The following NPAS3 variants were observed in gnomAD, a reference collection of about 807,000 sequenced individuals.
NPAS3 encodes neuronal PAS domain protein 3, also known as neuronal PAS domain-containing protein 3.
A neutral mutation model predicts 73.1 loss-of-function variants in NPAS3; 14 were observed. That is an observed-to-expected ratio of 0.19 (90% CI 0.13 to 0.30). The LOEUF (loss-of-function observed/expected upper bound fraction) is 0.30, where lower values mean the gene tolerates loss of function less well. Ranked by LOEUF, NPAS3 falls within the 10% of genes least tolerant of loss-of-function variation. NPAS3 has a pLI of 1.00. For missense variants in NPAS3, 1,096 were observed against 1,250.0 expected (o/e 0.88, Z 1.86); for synonymous variants, 620 against 541.5 (o/e 1.14, Z -2.01).
chr14:33,157,604 A>G lies in NPAS3; in HGVS notation c.141-57578A>G, dbSNP rs28658345. Reference sequence around the variant, plus strand: ...TCTTTTTGTGGTCAAGAAAGAGAAAAAAAATTAGAGCTTGTAAAAACCTGT... The same window carrying G: ...TCTTTTTGTGGTCAAGAAAGAGAAAGAAAATTAGAGCTTGTAAAAACCTGT... On this transcript the variant is annotated intron_variant, in intron 2 of 11. Transcript: ENST00000356141. Among the ~76,000 whole-genome samples the G allele has an allele frequency of 9.7e-3, 1,481 of 152,338 alleles. 18 individuals carry two copies. The highest frequency in any genetic ancestry group is 0.032 in the African/African-American group (1,333 of 41,564).
intron 1 of NPAS3, among the ~76,000 whole-genome samples, chr14:32,951,355 T>C (rs1454040498): frequency 1.3e-5 from 2 of 152,118 alleles, no homozygotes; most frequent in African/African-American, 2.4e-5. Flanking sequence ...TATAAAATGA[T>C]TAAATAAATT....
chr14:33,577,322 ATTC>A (rs149987976), intron 5 of NPAS3, among the ~76,000 whole-genome samples: 2,689 of 152,194 alleles, frequency 0.018, 35 homozygotes, highest in Non-Finnish European at 0.028. Flanking sequence ...ATCTAAACCA[ATTC>A]TTCTCAGATC....
chr14:33,490,731 T>C (rs1471073051), intron 4 of NPAS3, among the ~76,000 whole-genome samples: 2 of 152,184 alleles, frequency 1.3e-5, no homozygotes, highest in Non-Finnish European at 2.9e-5. Context: ...CCCTGCACTG[T>C]GCTGGAACAA....
intron 1 of NPAS3, among the ~76,000 whole-genome samples, chr14:32,993,908 A>G (rs1036581865): frequency 2.0e-5 from 3 of 152,208 alleles, no homozygotes; most frequent in African/African-American, 4.8e-5. Flanking sequence ...TCTTTTTGGC[A>G]CTCTCACATG....
chr14:33,329,825 T>TGAGA lies in NPAS3; in HGVS notation c.386-37348_386-37345dup, dbSNP rs535233541. Among the ~76,000 whole-genome samples, 166 of 151,038 alleles carry TGAGA rather than the reference T, an allele frequency of 1.1e-3. 3 individuals are homozygous for TGAGA. The South Asian group carries it at 0.033, about 30-fold the overall frequency. On this transcript the variant is annotated intron_variant, in intron 3 of 11. Coordinates refer to ENST00000356141, the Ensembl canonical transcript of NPAS3. ...ATTAAAAGTGGAGTGTGTGTGTGTGTGAGAGAGAGAGAGAGAAGTGCTTAA... is the reference window on the plus strand; with the variant it reads ...ATTAAAAGTGGAGTGTGTGTGTGTGTGAGAGAGAGAGAGAGAGAGAAGTGCTTAA...
intron 5 of NPAS3, among the ~76,000 whole-genome samples, chr14:33,604,346 A>G (rs896449046): frequency 2.0e-5 from 3 of 152,132 alleles, no homozygotes; most frequent in Non-Finnish European, 1.5e-5. Flanking sequence ...GTTAGCACTA[A>G]TAGAAAGAGT....
intron 2 of NPAS3, among the ~76,000 whole-genome samples, chr14:33,166,623 A>G (rs1169883264): frequency 6.6e-6 from 1 of 152,206 alleles, no homozygotes; most frequent in Non-Finnish European, 1.5e-5. Context: ...TTTATCTGAA[A>G]GAGTAAAGAA....
At chr14:33,531,839 G>A (rs924315428) in intron 4 of NPAS3, among the ~76,000 whole-genome samples, 6 of 152,084 alleles carry the variant, frequency 3.9e-5, no homozygotes, top group Non-Finnish European at 7.4e-5. Flanking sequence ...AGGATTGTCA[G>A]CCTTCTGTTT....
rs114515596 is a variant in NPAS3 at position 33,087,879 on chromosome 14, G to A, written c.140+31885G>A. On this transcript the variant is annotated intron_variant, in intron 2 of 11. Transcript: ENST00000356141. ...GTACTCACAAACCAAAATAAGAAAT[G>A]TGTTTATATTCATAATTGTTTTCAT... Among the ~76,000 whole-genome samples, 513 of 152,236 alleles carry A rather than the reference G, an allele frequency of 3.4e-3. 4 individuals carry two copies. The highest frequency in any genetic ancestry group is 0.011 in the African/African-American group (473 of 41,546).
At chr14:33,430,109 C>G (rs895200597) in intron 4 of NPAS3, among the ~76,000 whole-genome samples, 1 of 152,048 alleles carries the variant, frequency 6.6e-6, no homozygotes, top group Non-Finnish European at 1.5e-5. Context: ...CTCAGGAAAA[C>G]GAGGCTTGAT....
At chr14:33,142,157 C>A (rs1189446116) in intron 2 of NPAS3, among the ~76,000 whole-genome samples, 1 of 131,014 alleles carries the variant, frequency 7.6e-6, no homozygotes, top group Non-Finnish European at 1.6e-5. Context: ...TTTACTTCTG[C>A]TCCTAATTTT....
upstream of NPAS3, among the ~76,000 whole-genome samples, chr14:32,937,605 T>A (rs1411508023): frequency 6.6e-6 from 1 of 152,194 alleles, no homozygotes; most frequent in African/African-American, 2.4e-5. Context: ...ATTAAACACC[T>A]CTACCACGAA....
At chr14:33,552,118 T>A (rs2055144917) in intron 4 of NPAS3, among the ~76,000 whole-genome samples, 1 of 152,238 alleles carries the variant, frequency 6.6e-6, no homozygotes, top group Non-Finnish European at 1.5e-5. Flanking sequence ...GCTTGATGTA[T>A]AATAAGAGCT....
chr14:33,640,229 C>T (rs1595341948), intron 5 of NPAS3, among the ~76,000 whole-genome samples: 1 of 152,112 alleles, frequency 6.6e-6, no homozygotes, highest in East Asian at 1.9e-4. Context: ...TATTTACAAA[C>T]GTGACTCTTG....
intron 2 of NPAS3, among the ~76,000 whole-genome samples, chr14:33,146,735 A>G (rs558672433): frequency 1.3e-5 from 2 of 152,216 alleles, no homozygotes; most frequent in Non-Finnish European, 2.9e-5. Flanking sequence ...GCTGTGGTCA[A>G]ATTAATGATT....
At chr14:33,704,536 A>G (rs1158679743) in intron 6 of NPAS3, among the ~76,000 whole-genome samples, 2 of 151,846 alleles carry the variant, frequency 1.3e-5, no homozygotes, top group Admixed American at 6.6e-5. Flanking sequence ...GCCCTGAAGC[A>G]TATTAGATCT....
chr14:33,323,332 C>T (rs1365903521), intron 3 of NPAS3, among the ~76,000 whole-genome samples: 1 of 152,114 alleles, frequency 6.6e-6, no homozygotes, highest in African/African-American at 2.4e-5. Context: ...AATCTCTTTC[C>T]TCTTTGTTGG....
At chr14:33,314,215 C>T (rs2043117918) in intron 3 of NPAS3, among the ~76,000 whole-genome samples, 1 of 152,018 alleles carries the variant, frequency 6.6e-6, no homozygotes, top group South Asian at 2.1e-4. Flanking sequence ...CAATTAGATA[C>T]AGGCTATACC....
Position 33,301,322 on chromosome 14 carries a change from ATTTTT to A in NPAS3, c.386-65856_386-65852del, listed in dbSNP as rs56242001. The stretch of plus-strand genomic sequence containing the variant: ...GTTTTATCATTATATATATATATAT[ATTTTT>A]TTTTTTTAAATCTAGCTGTAATGGG... On this transcript the variant is annotated intron_variant, in intron 3 of 11. Transcript: ENST00000356141. Among the ~76,000 whole-genome samples, 75 of 99,658 alleles carry A rather than the reference ATTTTT, an allele frequency of 7.5e-4. 3 individuals carry two copies. In the East Asian group the frequency reaches 0.011, roughly 14 times the overall value. The allele number at this position is 99,658 out of a possible 152,430, so 65.4% of individuals were successfully genotyped here. A position where few individuals can be genotyped will look rare whatever the true frequency, so the allele number is the denominator to read the frequency against.
Sources: gnomAD v4.1 joint callset for allele counts (sites outside exome capture counted in the v4.1 genomes callset) on GRCh38, gnomAD v4.1.1 for gene constraint, MANE v1.5 for transcripts, NCBI Gene and HGNC (gene_info 2026-07-23, HGNC 2026-07-21) for gene names.